GRIA1: variants seen among roughly 807,000 people sequenced by gnomAD.
GRIA1 encodes glutamate receptor 1.
In GRIA1, 31 loss-of-function variants were observed where a neutral mutation model predicts 99.2. That is an observed-to-expected ratio of 0.31 (90% confidence interval 0.23 to 0.42). The LOEUF is 0.42. GRIA1 is among the 10% of genes least tolerant of loss of function. GRIA1 has a pLI of 1.00. For missense variants in GRIA1, 782 were observed against 1,157.5 expected (o/e 0.68, Z 4.71); for synonymous variants, 438 against 432.4 (o/e 1.01, Z -0.16).
At chr5:153,698,805 T>G (rs1158700812) in intron 9 of GRIA1, 62 bp from the exon 10 acceptor site, 6 of 1,071,548 alleles carry the variant, frequency 5.6e-6, no homozygotes, top group Non-Finnish European at 7.3e-6. Context: ...TATGCCAAAG[T>G]CCTCCCTACC....
intron 10 of GRIA1, among the ~76,000 whole-genome samples, chr5:153,702,614 G>T (rs915200722): frequency 3.9e-5 from 6 of 152,184 alleles, no homozygotes; most frequent in Non-Finnish European, 4.4e-5. Flanking sequence ...TGATTCTAGA[G>T]GTGTGGTCTT....
chr5:153,519,061 G>C (rs983149041), intron 2 of GRIA1, among the ~76,000 whole-genome samples: 4 of 152,120 alleles, frequency 2.6e-5, no homozygotes. Context: ...TCAGGAGATC[G>C]AGACCATCCT....
At chr5:153,746,225 A>AGAC (rs1456509526) in intron 11 of GRIA1, among the ~76,000 whole-genome samples, 6 of 152,074 alleles carry the variant, frequency 3.9e-5, no homozygotes, top group African/African-American at 1.4e-4. Flanking sequence ...AGAGGAAGAG[A>AGAC]GACTGTTTCC....
intron 15 of GRIA1, among the ~76,000 whole-genome samples, chr5:153,806,173 G>T (rs1766412737): frequency 6.6e-6 from 1 of 152,128 alleles, no homozygotes; most frequent in Admixed American, 6.5e-5. Flanking sequence ...ACCCAAATTG[G>T]TGATGACATG....
chr5:153,793,543 G>A (rs778096550), intron 13 of GRIA1, among the ~76,000 whole-genome samples: 10 of 152,230 alleles, frequency 6.6e-5, no homozygotes, highest in Non-Finnish European at 1.5e-4. Flanking sequence ...TAGGTTAGGT[G>A]TTGAAGGATG....
At chr5:153,553,914 C>T (rs1326570933) in intron 2 of GRIA1, among the ~76,000 whole-genome samples, 1 of 152,128 alleles carries the variant, frequency 6.6e-6, no homozygotes, top group East Asian at 1.9e-4. Flanking sequence ...GGGACCCTCT[C>T]CTGTCCTGCT....
intron 5 of GRIA1, among the ~76,000 whole-genome samples, chr5:153,659,214 C>T (rs759971053): frequency 6.6e-6 from 1 of 152,188 alleles, no homozygotes; most frequent in Non-Finnish European, 1.5e-5. Context: ...TCTTACTTCA[C>T]ATATTAAATC....
In GRIA1 at chr5:153,646,960, A is replaced by T; in HGVS notation, c.253A>T (p.Ile85Phe). The T allele has an allele frequency of 6.2e-7, 1 of 1,613,698 alleles. No individual in the cohort carries two copies. The highest frequency in any genetic ancestry group is 8.5e-7 in the Non-Finnish European group (1 of 1,179,708). The change falls in exon 3 of 16, where the codon ATC becomes TTC. Residue 85 changes from isoleucine to phenylalanine, a missense_variant. Physicochemically the swap from Ile to Phe is conservative, Grantham distance 21. Coordinates refer to ENST00000285900, the MANE Select transcript of GRIA1 (RefSeq NM_000827.4). Reference sequence around the variant, plus strand: ...CCAGTTCTCCAAAGGAGTCTATGCCATCTTTGGGTTTTATGAACGTAGGAC... The same window carrying T: ...CCAGTTCTCCAAAGGAGTCTATGCCTTCTTTGGGTTTTATGAACGTAGGAC... ...CSQFSKGVYA[I>F]FGFYERRTVN...
chr5:153,799,707 G>C (rs563899057), intron 14 of GRIA1, among the ~76,000 whole-genome samples: 57 of 152,224 alleles, frequency 3.7e-4, no homozygotes, highest in Non-Finnish European at 6.2e-4. Context: ...CCTTCAAAAG[G>C]TGGCAGTTCC....
chr5:153,649,195 C>A (rs1754368100), intron 3 of GRIA1, among the ~76,000 whole-genome samples: 2 of 152,208 alleles, frequency 1.3e-5, no homozygotes, highest in African/African-American at 4.8e-5. Context: ...CACAGCCCTG[C>A]TGACACCTTG....
At chr5:153,639,289 C>G (rs1180649539) in intron 2 of GRIA1, among the ~76,000 whole-genome samples, 2 of 152,198 alleles carry the variant, frequency 1.3e-5, no homozygotes, top group Non-Finnish European at 2.9e-5. Flanking sequence ...ACATGAAGTG[C>G]CGGATACCTT....
rs1755088285 is a variant in GRIA1 at position 153,658,153 on chromosome 5, G to A, written c.699+2281G>A. Among the ~76,000 whole-genome samples, 4 of 152,102 alleles carry A rather than the reference G, an allele frequency of 2.6e-5. No individual in the cohort carries two copies. In the South Asian group the frequency reaches 8.3e-4, roughly 32 times the overall value. On this transcript the variant is annotated intron_variant, in intron 5 of 15. Coordinates refer to ENST00000285900, the MANE Select transcript of GRIA1 (RefSeq NM_000827.4). The stretch of plus-strand genomic sequence containing the variant: ...TATTCAGGCCTTTTCTATAACTCCA[G>A]GTCATCTCTCAGTGAAACTTTGTAG...
chr5:153,589,544 T>C (rs1763781766), intron 2 of GRIA1, among the ~76,000 whole-genome samples: 1 of 152,160 alleles, frequency 6.6e-6, no homozygotes, highest in African/African-American at 2.4e-5. Flanking sequence ...CCAGCAACTT[T>C]TTCTTAGGAT....
At chr5:153,797,143 C>A (rs1403072264) in intron 14 of GRIA1, among the ~76,000 whole-genome samples, 2 of 152,176 alleles carry the variant, frequency 1.3e-5, no homozygotes, top group East Asian at 3.9e-4. Context: ...CATTCCATTA[C>A]CCCCACGCCC....
At chr5:153,514,669 G>T (rs1300914715) in intron 2 of GRIA1, among the ~76,000 whole-genome samples, 1 of 152,074 alleles carries the variant, frequency 6.6e-6, no homozygotes, top group African/African-American at 2.4e-5. Context: ...TGGCTGTTTG[G>T]GATTTTTTTG....
At chr5:153,700,418 G>A (rs1452926556) in intron 10 of GRIA1, among the ~76,000 whole-genome samples, 1 of 152,066 alleles carries the variant, frequency 6.6e-6, no homozygotes, top group Non-Finnish European at 1.5e-5. Context: ...TGAGAGAAAA[G>A]CAGCCCAGGA....
At chr5:153,490,654 T>C (rs1753829489), upstream of GRIA1, 1 of 577,812 alleles carries the variant, frequency 1.7e-6, no homozygotes, top group Non-Finnish European at 3.1e-6. Flanking sequence ...GAGGACGGGC[T>C]TCTTTTCCCG....
chr5:153,634,017 TAGAG>T (rs1352516172), intron 2 of GRIA1, among the ~76,000 whole-genome samples: 9 of 151,832 alleles, frequency 5.9e-5, no homozygotes, highest in African/African-American at 2.2e-4. Context: ...GGTACCGCAA[TAGAG>T]AATAAAGAGT....
chr5:153,784,912 T>G (rs1461296672), intron 13 of GRIA1, among the ~76,000 whole-genome samples: 5 of 152,138 alleles, frequency 3.3e-5, no homozygotes. Context: ...GCCATGCTTT[T>G]CCTCGGCAGT....
Sources: gnomAD v4.1 joint callset for allele counts (sites outside exome capture counted in the v4.1 genomes callset) on GRCh38, gnomAD v4.1.1 for gene constraint, MANE v1.5 for transcripts, NCBI Gene and HGNC (gene_info 2026-07-23, HGNC 2026-07-21) for gene names.